The following NELL1 variants were observed in gnomAD, a reference collection of about 807,000 sequenced individuals.
The protein encoded by NELL1 is neural EGFL like 1.
In NELL1, 76 loss-of-function variants were observed where a neutral mutation model predicts 107.4. The ratio of observed to expected loss-of-function variants is 0.71; its 90% CI spans 0.59 to 0.86. NELL1 has a LOEUF of 0.86. Among genes scored for constraint, NELL1 ranks in the 40% least tolerant of loss-of-function variants. The pLI is 0.00. For synonymous variants in NELL1, 353 were observed against 341.2 expected (o/e 1.03, Z -0.38); for missense variants, 1,024 against 1,005.5 (o/e 1.02, Z -0.25).
chr11:21,135,110 GA>G (rs1358381621), intron 13 of NELL1, among the ~76,000 whole-genome samples: 2 of 152,070 alleles, frequency 1.3e-5, no homozygotes, highest in African/African-American at 4.8e-5. Context: ...TAAAAGTGGG[GA>G]AAAGCACGCT....
intron 2 of NELL1, among the ~76,000 whole-genome samples, chr11:20,737,389 A>G (rs548660486): frequency 4.7e-4 from 71 of 152,320 alleles, no homozygotes; most frequent in South Asian, 3.3e-3. Context: ...CCATTGGTCA[A>G]TGTGGAACAA....
At chr11:20,894,908 G>C (rs1849692533) in intron 5 of NELL1, among the ~76,000 whole-genome samples, 1 of 152,028 alleles carries the variant, frequency 6.6e-6, no homozygotes, top group East Asian at 1.9e-4. Flanking sequence ...ACGTATTTAG[G>C]GTGTCCATTG....
At chr11:20,983,422 C>T (rs1851788514) in intron 12 of NELL1, among the ~76,000 whole-genome samples, 1 of 152,084 alleles carries the variant, frequency 6.6e-6, no homozygotes, top group Admixed American at 6.6e-5. Flanking sequence ...CACCCCCCAG[C>T]TCAGACCACT....
At chr11:21,292,211 T>C (rs1258207122) in intron 14 of NELL1, among the ~76,000 whole-genome samples, 1 of 152,194 alleles carries the variant, frequency 6.6e-6, no homozygotes, top group East Asian at 1.9e-4. Context: ...TTAACCTACC[T>C]GATAATCAGC....
chr11:21,573,354 T>C lies in NELL1; in HGVS notation c.2327T>C (p.Leu776Pro), dbSNP rs1172759910. 1.2e-6 allele frequency: 2 copies of C among 1,612,326 alleles called. No homozygotes were observed. Among genetic ancestry groups the C allele is most frequent in the East Asian group, 2.2e-5 (1 of 44,770 alleles). The change falls in exon 19 of 20, where the codon CTT (leucine) becomes CCT (proline). Residue 776 changes from leucine (L) to proline (P), a missense_variant. Leu to Pro is a moderately conservative substitution (Grantham distance 98, BLOSUM62 -3). Coordinates refer to ENST00000357134, the MANE Select transcript of NELL1 (RefSeq NM_006157.5). ...CTGGACAGCTATGGTGTTTCACGGC[T>C]TAGTGGCTCAGTGTGGACGATGGCT... ...TCLDSYGVSR[L>P]SGSVWTMAGS...
intron 14 of NELL1, among the ~76,000 whole-genome samples, chr11:21,282,728 T>C (rs1565146945): frequency 6.6e-6 from 1 of 152,152 alleles, no homozygotes; most frequent in African/African-American, 2.4e-5. Context: ...TACTCTCATG[T>C]TTGTCTCAGC....
At chr11:21,460,298 A>G (rs1232039309) in intron 15 of NELL1, among the ~76,000 whole-genome samples, 1 of 151,998 alleles carries the variant, frequency 6.6e-6, no homozygotes, top group Non-Finnish European at 1.5e-5. Flanking sequence ...AAAGGATATG[A>G]CTCATAATGA....
At chr11:21,041,906 C>T (rs531973233) in intron 12 of NELL1, among the ~76,000 whole-genome samples, 362 of 152,274 alleles carry the variant, frequency 2.4e-3, no homozygotes, top group African/African-American at 8.2e-3. Context: ...TCAGCACTGG[C>T]AGTGTGTGTG....
At chr11:20,670,296 C>G (rs1485455406) in intron 1 of NELL1, 2 of 157,088 alleles carry the variant, frequency 1.3e-5, no homozygotes, top group Non-Finnish European at 2.8e-5. Flanking sequence ...CCTGGGATCC[C>G]GCGATCTCCT....
intron 14 of NELL1, among the ~76,000 whole-genome samples, chr11:21,235,632 A>G (rs751365462): frequency 2.6e-5 from 4 of 152,198 alleles, no homozygotes; most frequent in African/African-American, 4.8e-5. Flanking sequence ...CTTTAGAACT[A>G]TTAGATGATT....
At chr11:21,414,510 G>C (rs1053155563) in intron 15 of NELL1, among the ~76,000 whole-genome samples, 2 of 144,666 alleles carry the variant, frequency 1.4e-5, no homozygotes, top group Non-Finnish European at 3.0e-5. Context: ...CAGCCTAAGA[G>C]TCACTGATAC....
intron 15 of NELL1, among the ~76,000 whole-genome samples, chr11:21,423,004 G>T (rs751940326): frequency 6.6e-6 from 1 of 151,982 alleles, no homozygotes; most frequent in Non-Finnish European, 1.5e-5. Context: ...GATATTCCAC[G>T]CTCATAGTAA....
rs35688285 is a variant in NELL1 at position 21,147,836 on chromosome 11, C to CAAAAAAAA, written c.1426+34144_1426+34151dup. 2.7e-3 allele frequency among the ~76,000 whole-genome samples: 78 copies of CAAAAAAAA among 28,804 alleles called. 1 individual carries two copies. The highest frequency in any genetic ancestry group is 8.1e-3 in the East Asian group (5 of 616). The allele number at this position is 28,804 out of a possible 152,430, so 18.9% of individuals were successfully genotyped here. A position where few individuals can be genotyped will look rare whatever the true frequency, so the allele number is the denominator to read the frequency against. On this transcript the variant is annotated intron_variant, in intron 13 of 19. Transcript: ENST00000357134. ...GGGCAACAAGAGTGAAACTCCGTCTCAAAAAAAAAAAAAAAAAAAAAAAAA... is the reference window on the plus strand; with the variant it reads ...GGGCAACAAGAGTGAAACTCCGTCTCAAAAAAAAAAAAAAAAAAAAAAAAAAAAAAAAA...
At chr11:20,730,310 G>A (rs1182745199) in intron 2 of NELL1, among the ~76,000 whole-genome samples, 1 of 152,128 alleles carries the variant, frequency 6.6e-6, no homozygotes, top group Non-Finnish European at 1.5e-5. Flanking sequence ...CCATGGAGAA[G>A]CATCAGTGAG....
intron 13 of NELL1, among the ~76,000 whole-genome samples, chr11:21,115,568 T>G (rs1279763472): frequency 3.1e-5 from 4 of 128,138 alleles, no homozygotes; most frequent in African/African-American, 5.0e-5. Context: ...TTTATGTGAG[T>G]TTTTTTTTAT....
At chr11:21,128,024 G>A (rs768613963) in intron 13 of NELL1, among the ~76,000 whole-genome samples, 15 of 151,934 alleles carry the variant, frequency 9.9e-5, no homozygotes, top group Non-Finnish European at 1.6e-4. Flanking sequence ...CAAAGAGTGC[G>A]TCACAGAACA....
At chr11:21,443,288 A>C (rs556377512) in intron 15 of NELL1, among the ~76,000 whole-genome samples, 1 of 152,302 alleles carries the variant, frequency 6.6e-6, no homozygotes, top group South Asian at 2.1e-4. Context: ...CAGAACTCTC[A>C]TGACCTAGTC....
intron 14 of NELL1, among the ~76,000 whole-genome samples, chr11:21,326,076 T>TG (rs1565169180): frequency 9.7e-6 from 1 of 103,468 alleles, no homozygotes; most frequent in Non-Finnish European, 2.1e-5. Context: ...TTTTTTTTTT[T>TG]TTTTTGGGCT....
At chr11:21,257,758 G>A (rs1411997673) in intron 14 of NELL1, among the ~76,000 whole-genome samples, 1 of 151,968 alleles carries the variant, frequency 6.6e-6, no homozygotes, top group Non-Finnish European at 1.5e-5. Flanking sequence ...AAGAGAACCA[G>A]GAGTTGTGGC....
Sources: allele counts gnomAD v4.1 joint callset (sites outside exome capture counted in the v4.1 genomes callset), GRCh38; gene constraint gnomAD v4.1.1; transcripts MANE v1.5; gene names NCBI Gene and HGNC (gene_info 2026-07-23, HGNC 2026-07-21).